FUT9: variants seen among roughly 807,000 people sequenced by gnomAD.
FUT9 encodes fucosyltransferase 9, also known as 4-galactosyl-N-acetylglucosaminide 3-alpha-L-fucosyltransferase 9.
A neutral mutation model predicts 29.7 loss-of-function variants in FUT9; 15 were observed. The ratio of observed to expected loss-of-function variants is 0.51; its 90% CI spans 0.34 to 0.78. The LOEUF (loss-of-function observed/expected upper bound fraction) is 0.78, where lower values mean the gene tolerates loss of function less well. Among genes scored for constraint, FUT9 ranks in the 30% least tolerant of loss-of-function variants. The pLI, the probability that FUT9 is intolerant of heterozygous loss-of-function variation, is 0.01. For synonymous variants in FUT9, 169 were observed against 153.7 expected (o/e 1.10, Z -0.74); for missense variants, 319 against 425.4 (o/e 0.75, Z 2.20).
intron 1 of FUT9, among the ~76,000 whole-genome samples, chr6:96,059,019 T>C (rs1416495990): frequency 6.6e-6 from 1 of 152,176 alleles, no homozygotes; most frequent in Non-Finnish European, 1.5e-5. Flanking sequence ...AGATTTTAGC[T>C]CTCTTAATAG....
intron 2 of FUT9, among the ~76,000 whole-genome samples, chr6:96,183,412 T>G (rs960113190): frequency 6.6e-6 from 1 of 152,090 alleles, no homozygotes; most frequent in Non-Finnish European, 1.5e-5. Context: ...TTGGACTTCC[T>G]CTTTATCTAT....
chr6:96,130,302 A>C (rs1772218353), intron 2 of FUT9, among the ~76,000 whole-genome samples: 1 of 152,152 alleles, frequency 6.6e-6, no homozygotes, highest in Admixed American at 6.5e-5. Context: ...TAAATATTAT[A>C]AGAAACTTCA....
At chr6:96,164,634 G>A (rs542943950) in intron 2 of FUT9, among the ~76,000 whole-genome samples, 2 of 152,194 alleles carry the variant, frequency 1.3e-5, no homozygotes, top group African/African-American at 2.4e-5. Context: ...TCTTAAGATC[G>A]CAGTTTTAAT....
chr6:96,151,924 G>A (rs1772684181), intron 2 of FUT9, among the ~76,000 whole-genome samples: 1 of 152,130 alleles, frequency 6.6e-6, no homozygotes, highest in African/African-American at 2.4e-5. Flanking sequence ...TAGCAATCTT[G>A]AAGAAATACC....
intron 2 of FUT9, among the ~76,000 whole-genome samples, chr6:96,157,323 A>G (rs759216214): frequency 2.6e-5 from 4 of 152,216 alleles, no homozygotes; most frequent in Non-Finnish European, 4.4e-5. Flanking sequence ...TGAGCTCCTC[A>G]GAATATGTTA....
intron 2 of FUT9, among the ~76,000 whole-genome samples, chr6:96,116,955 AG>A (rs1335255456): frequency 2.0e-5 from 3 of 152,336 alleles, no homozygotes; most frequent in Middle Eastern, 3.4e-3. Context: ...CATTAAAAAA[AG>A]AAAGAAAGAA....
chr6:96,147,230 C>T (rs957367709), intron 2 of FUT9, among the ~76,000 whole-genome samples: 2 of 147,026 alleles, frequency 1.4e-5, no homozygotes, highest in African/African-American at 2.5e-5. Context: ...GGCCTGATTT[C>T]GGCTCACTGC....
rs907642163 is a variant in FUT9, at chr6:96,204,961, A to T, written c.*726A>T. On this transcript the variant is annotated 3_prime_UTR_variant, in exon 3 of 3. Transcript: ENST00000302103. ...TGTGATTTTCAGCACCTGGGAAGTA[A>T]TCCCAATAATACTTTAGAAAATCTA... 2.5e-5 allele frequency: 4 copies of T among 162,570 alleles called. No homozygotes were observed. Among genetic ancestry groups the T allele is most frequent in the African/African-American group, 9.7e-5 (4 of 41,434 alleles). 10.1% of individuals were successfully genotyped at this position (162,570 alleles called of 1,614,324 possible).
intron 1 of FUT9, among the ~76,000 whole-genome samples, chr6:96,075,924 C>A (rs1771136002): frequency 6.6e-6 from 1 of 152,138 alleles, no homozygotes; most frequent in African/African-American, 2.4e-5. Flanking sequence ...CCCCAAATAG[C>A]CTGTTGTTAG....
intron 1 of FUT9, among the ~76,000 whole-genome samples, chr6:96,043,298 G>A (rs1361595766): frequency 2.4e-4 from 17 of 71,408 alleles, no homozygotes; most frequent in African/African-American, 2.0e-3. Flanking sequence ...TGATCCTCTC[G>A]CCTCGGGTCC....
chr6:96,050,431 GA>G (rs1770645607), intron 1 of FUT9, among the ~76,000 whole-genome samples: 4 of 152,170 alleles, frequency 2.6e-5, no homozygotes, highest in Non-Finnish European at 4.4e-5. Flanking sequence ...TTTCAGTCAT[GA>G]GCAACTGCTC....
intron 1 of FUT9, among the ~76,000 whole-genome samples, chr6:96,056,212 A>G (rs1284091699): frequency 6.6e-6 from 1 of 152,210 alleles, no homozygotes; most frequent in Non-Finnish European, 1.5e-5. Context: ...CTTGTCTAAG[A>G]CTAAAATAAT....
intron 2 of FUT9, among the ~76,000 whole-genome samples, chr6:96,153,578 T>C (rs566576400): frequency 1.3e-5 from 2 of 152,292 alleles, no homozygotes; most frequent in Non-Finnish European, 2.9e-5. Context: ...AATCCTATGA[T>C]TTCTGCTACA....
At chr6:96,084,715 T>C (rs1256899002) in intron 1 of FUT9, among the ~76,000 whole-genome samples, 2 of 152,100 alleles carry the variant, frequency 1.3e-5, no homozygotes, top group African/African-American at 4.8e-5. Context: ...GAAATAGAAA[T>C]TATTTTGAAG....
chr6:96,105,482 A>T (rs190609627), intron 1 of FUT9, among the ~76,000 whole-genome samples: 2 of 152,336 alleles, frequency 1.3e-5, no homozygotes, highest in East Asian at 1.9e-4. Context: ...ATAGCATAAA[A>T]TAGCTATTTA....
chr6:96,119,214 A>C (rs1485589557), intron 2 of FUT9, among the ~76,000 whole-genome samples: 1 of 152,200 alleles, frequency 6.6e-6, no homozygotes, highest in Non-Finnish European at 1.5e-5. Context: ...CCAGTCCTGC[A>C]AGCTCCATTC....
At position 96,062,535 on chromosome 6, in the gene FUT9, T is replaced by C. The variant is rs75586508; in HGVS notation, c.-98+46323T>C. 1.4e-4 allele frequency among the ~76,000 whole-genome samples: 21 copies of C among 152,154 alleles called. 2 individuals are homozygous for C. In the South Asian group the frequency reaches 4.4e-3, roughly 32 times the overall value. On this transcript the variant is annotated intron_variant, in intron 1 of 2. Transcript: ENST00000302103. ...TTTTATGTCATTCTCTAATATTATGTTTTTTTCCCCATGCATGTGTATCTA... is the reference window on the plus strand; with the variant it reads ...TTTTATGTCATTCTCTAATATTATGCTTTTTTCCCCATGCATGTGTATCTA...
At chr6:96,184,556 G>C (rs1416286506) in intron 2 of FUT9, among the ~76,000 whole-genome samples, 5 of 151,740 alleles carry the variant, frequency 3.3e-5, no homozygotes, top group Admixed American at 2.0e-4. Context: ...TTTACTGTTT[G>C]TGCTCTTTAG....
chr6:96,048,650 G>T (rs1770608549), intron 1 of FUT9, among the ~76,000 whole-genome samples: 1 of 152,174 alleles, frequency 6.6e-6, no homozygotes, highest in South Asian at 2.1e-4. Context: ...CATCTGGGAG[G>T]AGATGAGTGT....
Sources: allele counts gnomAD v4.1 joint callset (sites outside exome capture counted in the v4.1 genomes callset), GRCh38; gene constraint gnomAD v4.1.1; transcripts MANE v1.5; gene names NCBI Gene and HGNC (gene_info 2026-07-23, HGNC 2026-07-21).